Variants in FIGN observed in about 807,000 individuals in gnomAD.
FIGN encodes fidgetin, microtubule severing factor, also known as fidgetin.
Under a neutral mutation model 51.3 loss-of-function variants are expected in FIGN, and 11 were observed. The ratio of observed to expected loss-of-function variants is 0.21; its 90% CI spans 0.13 to 0.35. The LOEUF is 0.35. Among genes scored for constraint, FIGN ranks in the 10% least tolerant of loss-of-function variants. The pLI is 1.00. For synonymous variants in FIGN, 407 were observed against 363.2 expected, an observed-to-expected ratio of 1.12 and a Z score of -1.37; for missense variants, 857 against 943.6, an observed-to-expected ratio of 0.91 and a Z score of 1.20.
At chr2:163,716,195 G>A (rs1684666089) in intron 2 of FIGN, among the ~76,000 whole-genome samples, 1 of 152,180 alleles carries the variant, frequency 6.6e-6, no homozygotes, top group Non-Finnish European at 1.5e-5. Context: ...CTCTTCCAGT[G>A]CCACTTGGGG....
intron 2 of FIGN, among the ~76,000 whole-genome samples, chr2:163,643,689 C>T (rs1683338730): frequency 6.7e-6 from 1 of 148,912 alleles, no homozygotes; most frequent in South Asian, 2.1e-4. Context: ...CACAGTGGCT[C>T]ATGCCTGTCA....
At chr2:163,672,451 A>G (rs1312439560) in intron 2 of FIGN, among the ~76,000 whole-genome samples, 1 of 152,184 alleles carries the variant, frequency 6.6e-6, no homozygotes, top group Non-Finnish European at 1.5e-5. Flanking sequence ...AAAGGCTTTC[A>G]TGCCTTAGTT....
intron 2 of FIGN, among the ~76,000 whole-genome samples, chr2:163,667,284 T>C (rs1034642175): frequency 2.0e-5 from 3 of 149,310 alleles, no homozygotes; most frequent in Non-Finnish European, 3.0e-5. Context: ...TGTTCTCTCC[T>C]AACTGGCCTA....
chr2:163,719,304 C>G (rs751561271), intron 2 of FIGN, among the ~76,000 whole-genome samples: 2 of 152,032 alleles, frequency 1.3e-5, no homozygotes, highest in Non-Finnish European at 2.9e-5. Flanking sequence ...ATTTACGTGA[C>G]TGGAATTATG....
intron 2 of FIGN, among the ~76,000 whole-genome samples, chr2:163,725,235 T>G (rs1041059738): frequency 6.6e-6 from 1 of 151,996 alleles, no homozygotes; most frequent in South Asian, 2.1e-4. Flanking sequence ...TAACCAGTCT[T>G]GCAGACAAAT....
At position 163,611,308 on chromosome 2, in the gene FIGN, C is replaced by G. The variant is rs747652183; in HGVS notation, c.524G>C (p.Ser175Thr). The G allele has an allele frequency of 6.2e-7, 1 of 1,614,122 alleles. No homozygotes were observed. The highest frequency in any genetic ancestry group is 1.1e-5 in the South Asian group (1 of 91,082). ...CTGAGATGGGAGCCCTGCATGAAGA[C>G]TGGGTACAGTGTGGCTTCCACAGGT... ...SSTCGSHTVP[S>T]LHAGLPSQEY... Residue 175 changes from serine to threonine, a missense_variant, in exon 3 of 3, where the codon AGT becomes ACT. Coordinates refer to ENST00000333129, the MANE Select transcript of FIGN (RefSeq NM_018086.4).
In FIGN at chr2:163,610,969, G is replaced by T; in HGVS notation, c.863C>A (p.Thr288Asn). The change falls in exon 3 of 3, where the codon ACC becomes AAC. Residue 288 changes from threonine to asparagine, a missense_variant. This residue lies in a region of FIGN where 799 missense variants were observed against 849.5 expected (regional missense o/e 0.94). Transcript: ENST00000333129. The stretch of plus-strand genomic sequence containing the variant: ...CTGGTAGGTGTAGCCAGGAACAGTG[G>T]TGGGGGGTAGGGGGGTGGGAGCAGG... ...GIPAPTPLPP[T>N]TVPGYTYQGH... 6.2e-7 allele frequency: 1 copy of T among 1,613,898 alleles called. No homozygotes were observed. Among genetic ancestry groups the T allele is most frequent in the Non-Finnish European group, 8.5e-7 (1 of 1,179,976 alleles).
chr2:163,656,091 A>G (rs1384090055), intron 2 of FIGN, among the ~76,000 whole-genome samples: 1 of 152,210 alleles, frequency 6.6e-6, no homozygotes, highest in East Asian at 1.9e-4. Context: ...ACTAGTGTTA[A>G]CAACCAAATA....
chr2:163,654,646 C>T (rs1282234806), intron 2 of FIGN, among the ~76,000 whole-genome samples: 3 of 152,066 alleles, frequency 2.0e-5, no homozygotes, highest in African/African-American at 7.2e-5. Context: ...AATAAACATC[C>T]ATTCAGTGCT....
chr2:163,614,205 G>A (rs1682827068), intron 2 of FIGN, among the ~76,000 whole-genome samples: 2 of 152,010 alleles, frequency 1.3e-5, no homozygotes, highest in African/African-American at 4.8e-5. Context: ...CTTTTTAAGG[G>A]GGAGGAAAAC....
In FIGN at chr2:163,652,361, A is replaced by ACACACAC. The variant is rs776188112; in HGVS notation, c.26-40556_26-40555insGTGTGTG. Among the ~76,000 whole-genome samples, 1,135 of 139,430 alleles carry ACACACAC rather than the reference A, an allele frequency of 8.1e-3. 30 individuals are homozygous for ACACACAC. The highest frequency in any genetic ancestry group is 0.028 in the African/African-American group (1,018 of 36,076). The allele number at this position is 139,430 out of a possible 152,430, so 91.5% of individuals were successfully genotyped here. A position where few individuals can be genotyped will look rare whatever the true frequency, so the allele number is the denominator to read the frequency against. ...ATTAACCAACACACACACACACACA[A>ACACACAC]ACACACACACACACACACACACACA... On this transcript the variant is annotated intron_variant, in intron 2 of 2. Coordinates refer to ENST00000333129, the MANE Select transcript of FIGN (RefSeq NM_018086.4).
chr2:163,720,781 A>G (rs1183846927), intron 2 of FIGN, among the ~76,000 whole-genome samples: 1 of 151,230 alleles, frequency 6.6e-6, no homozygotes, highest in Non-Finnish European at 1.5e-5. Flanking sequence ...CTACTAAATA[A>G]ACACACACAC....
Position 163,735,028 on chromosome 2 carries a change from T to C in FIGN, c.-101A>G, listed in dbSNP as rs943140089. The C allele has an allele frequency of 8.0e-7, 1 of 1,247,634 alleles. No homozygotes were observed. The highest frequency in any genetic ancestry group is 1.3e-5 in the South Asian group (1 of 77,516). 77.3% of individuals were successfully genotyped at this position (1,247,634 alleles called of 1,614,324 possible). On this transcript the variant is annotated 5_prime_UTR_variant, in exon 2 of 3. Coordinates refer to ENST00000333129, the MANE Select transcript of FIGN (RefSeq NM_018086.4). The stretch of plus-strand genomic sequence containing the variant: ...CACTTTTCCTCTCAGCTATCAAATG[T>C]CACTGCCTTGAAACGTGGGCCCTTT...
At chr2:163,659,613 G>T (rs951105048) in intron 2 of FIGN, among the ~76,000 whole-genome samples, 13 of 152,174 alleles carry the variant, frequency 8.5e-5, no homozygotes, top group African/African-American at 3.1e-4. Flanking sequence ...CAAGTGGTCT[G>T]AAATATTTTG....
At chr2:163,676,040 AT>A (rs1329725749) in intron 2 of FIGN, among the ~76,000 whole-genome samples, 2 of 151,546 alleles carry the variant, frequency 1.3e-5, no homozygotes, top group Admixed American at 6.6e-5. Context: ...GTAGTTGTCA[AT>A]TTATTTTTAA....
chr2:163,717,458 T>A (rs1250747042), intron 2 of FIGN, among the ~76,000 whole-genome samples: 1 of 152,122 alleles, frequency 6.6e-6, no homozygotes, highest in Non-Finnish European at 1.5e-5. Context: ...CTTTTTCTGA[T>A]GTGGGCATAG....
intron 2 of FIGN, among the ~76,000 whole-genome samples, chr2:163,639,299 C>T (rs950589709): frequency 1.3e-5 from 2 of 151,952 alleles, no homozygotes; most frequent in Admixed American, 6.6e-5. Flanking sequence ...TTATTTAATC[C>T]TTTCAATGTT....
chr2:163,728,548 T>A (rs924007860), intron 2 of FIGN, among the ~76,000 whole-genome samples: 16 of 152,060 alleles, frequency 1.1e-4, no homozygotes, highest in African/African-American at 3.9e-4. Context: ...AGTTCAGATA[T>A]AGAAAGAGCA....
At position 163,603,775 on chromosome 2, in the gene FIGN, G is replaced by C. The variant is rs1691026631; in HGVS notation, c.*5777C>G. The C allele has an allele frequency of 1.3e-5, 2 of 152,176 alleles. No homozygotes were observed. The highest frequency in any genetic ancestry group is 4.8e-5 in the African/African-American group (2 of 41,542). 9.4% of individuals were successfully genotyped at this position (152,176 alleles called of 1,614,324 possible). ...ACTTCAAAAGTCCATTCATCGATTG[G>C]GTGGGTGGTGAACCCCTTTCAGCAT... On this transcript the variant is annotated 3_prime_UTR_variant, in exon 3 of 3. Transcript: ENST00000333129.
Sources: gnomAD v4.1 joint callset for allele counts (sites outside exome capture counted in the v4.1 genomes callset) on GRCh38, gnomAD v4.1.1 for gene constraint, gnomAD v4.1.1 regional missense constraint, MANE v1.5 for transcripts, NCBI Gene and HGNC (gene_info 2026-07-23, HGNC 2026-07-21) for gene names.